The following PXDN variants were observed in gnomAD, a reference collection of about 807,000 sequenced individuals.
PXDN encodes the protein peroxidasin.
A neutral mutation model predicts 140.3 loss-of-function variants in PXDN; 77 were observed. The ratio of observed to expected loss-of-function variants is 0.55; its 90% CI spans 0.46 to 0.66. The LOEUF is 0.66. Among genes scored for constraint, PXDN ranks in the 30% least tolerant of loss-of-function variants. The probability of loss-of-function intolerance (pLI) is 0.00; values close to 1 mark genes in which losing one functional copy is unlikely to be tolerated. For missense variants in PXDN, 1,838 were observed against 2,039.5 expected, an observed-to-expected ratio of 0.90 and a Z score of 1.90; for synonymous variants, 911 against 857.4, an observed-to-expected ratio of 1.06 and a Z score of -1.09.
intron 14 of PXDN, among the ~76,000 whole-genome samples, chr2:1,655,833 A>G (rs1205504267): frequency 6.6e-6 from 1 of 151,780 alleles, no homozygotes; most frequent in Non-Finnish European, 1.5e-5. Context: ...CACACCACAC[A>G]CACACAGATT....
chr2:1,656,189 C>T (rs567016242), intron 14 of PXDN, among the ~76,000 whole-genome samples: 1 of 152,064 alleles, frequency 6.6e-6, no homozygotes, highest in Admixed American at 6.5e-5. Flanking sequence ...GAATCACACA[C>T]CTTATCTACC....
intron 1 of PXDN, among the ~76,000 whole-genome samples, chr2:1,739,123 C>A (rs1304743918): frequency 1.3e-5 from 2 of 151,774 alleles, no homozygotes; most frequent in Non-Finnish European, 2.9e-5. Context: ...GTGGCAAGGC[C>A]TCCTGTCCAC....
At chr2:1,709,764 G>A (rs962633495) in intron 1 of PXDN, among the ~76,000 whole-genome samples, 5 of 152,188 alleles carry the variant, frequency 3.3e-5, no homozygotes, top group African/African-American at 9.7e-5. Context: ...CATGAGATTC[G>A]TGTCCTTCTA....
chr2:1,723,839 G>A (rs1028064851), intron 1 of PXDN, among the ~76,000 whole-genome samples: 8 of 152,120 alleles, frequency 5.3e-5, no homozygotes, highest in African/African-American at 1.4e-4. Flanking sequence ...AACATCAGCC[G>A]CCTGTTGCCA....
At chr2:1,665,101 G>T in intron 10 of PXDN, 27 bp from the exon 11 acceptor site, 1 of 1,526,116 alleles carries the variant, frequency 6.6e-7, no homozygotes, top group Admixed American at 1.8e-5. Flanking sequence ...ATTCAAAACA[G>T]GACATGTAAA....
Position 1,744,300 on chromosome 2 carries a change from C to T in PXDN, c.156G>A (p.Leu52=). The change falls in exon 1 of 23, where the codon CTG becomes CTA. Residue 52 remains leucine (L), a synonymous_variant. Transcript: ENST00000252804. ...CFRTTVRCMH[L]LLEAVPAVAP... is the part of the protein sequence containing the mutation. ...CCACGGCGGGCACGGCCTCCAGCAG[C>T]AGATGCATGCAGCGCACGGTGGTGC... The T allele has an allele frequency of 6.6e-7, 1 of 1,525,146 alleles. No homozygotes were observed. The highest frequency in any genetic ancestry group is 8.8e-7 in the Non-Finnish European group (1 of 1,142,418). The allele number at this position is 1,525,146 out of a possible 1,614,324, so 94.5% of individuals were successfully genotyped here.
chr2:1,705,130 G>C (rs1386663100), intron 1 of PXDN, among the ~76,000 whole-genome samples: 1 of 150,366 alleles, frequency 6.7e-6, no homozygotes, highest in East Asian at 2.0e-4. Flanking sequence ...CAGAGGGCAC[G>C]TCTGCACACA....
chr2:1,683,373 G>T (rs1019076246), intron 6 of PXDN, among the ~76,000 whole-genome samples: 1 of 106,040 alleles, frequency 9.4e-6, no homozygotes, highest in African/African-American at 3.1e-5. Flanking sequence ...CTGTGATCAT[G>T]CCACTGCACT....
intron 4 of PXDN, among the ~76,000 whole-genome samples, chr2:1,686,893 C>T (rs1684072558): frequency 6.6e-6 from 1 of 152,220 alleles, no homozygotes; most frequent in Non-Finnish European, 1.5e-5. Context: ...CGCTGCGTCA[C>T]AGCAAACAGC....
At chr2:1,670,395 C>T (rs1442640081) in intron 9 of PXDN, among the ~76,000 whole-genome samples, 2 of 152,086 alleles carry the variant, frequency 1.3e-5, no homozygotes, top group Non-Finnish European at 2.9e-5. Context: ...CTCAAATATG[C>T]TTACATTTTT....
intron 1 of PXDN, among the ~76,000 whole-genome samples, chr2:1,713,414 C>T (rs1409877809): frequency 2.6e-5 from 4 of 152,222 alleles, no homozygotes; most frequent in African/African-American, 4.8e-5. Context: ...AGGAAATCTG[C>T]GGCTCAGAGG....
chr2:1,720,031 GA>G, intron 1 of PXDN, among the ~76,000 whole-genome samples: 1 of 81,240 alleles, frequency 1.2e-5, no homozygotes, highest in Non-Finnish European at 2.4e-5. Context: ...GAGAGAGAGA[GA>G]GGGAGGGATG....
intron 3 of PXDN, among the ~76,000 whole-genome samples, chr2:1,691,557 T>C (rs925132904): frequency 3.9e-5 from 6 of 152,196 alleles, no homozygotes; most frequent in Non-Finnish European, 5.9e-5. Flanking sequence ...CCGGAAACTA[T>C]TTTGATAGCT....
Position 1,744,304 on chromosome 2 carries a change from T to C in PXDN, c.152A>G (p.His51Arg), listed in dbSNP as rs893649732. The C allele has an allele frequency of 6.6e-7, 1 of 1,526,614 alleles. No homozygotes were observed. The highest frequency in any genetic ancestry group is 8.7e-7 in the Non-Finnish European group (1 of 1,143,198). The allele number at this position is 1,526,614 out of a possible 1,614,324, so 94.6% of individuals were successfully genotyped here. ...GGCGGGCACGGCCTCCAGCAGCAGA[T>C]GCATGCAGCGCACGGTGGTGCGGAA... ...LCFRTTVRCM[H>R]LLLEAVPAVA... is the part of the protein sequence containing the mutation. Residue 51 changes from histidine (H) to arginine (R), a missense_variant, in exon 1 of 23, where the codon CAT becomes CGT. This residue lies in a region of PXDN where 231 missense variants were observed against 201.5 expected (regional missense o/e 1.15). Transcript: ENST00000252804.
chr2:1,715,386 C>T (rs778954643), intron 1 of PXDN, among the ~76,000 whole-genome samples: 1 of 152,142 alleles, frequency 6.6e-6, no homozygotes, highest in African/African-American at 2.4e-5. Context: ...ACAAAAACAG[C>T]GACGGAGCGG....
chr2:1,674,137 G>C (rs565641912), intron 8 of PXDN, among the ~76,000 whole-genome samples: 1 of 152,174 alleles, frequency 6.6e-6, no homozygotes, highest in Non-Finnish European at 1.5e-5. Context: ...ATTTTCTTTC[G>C]TTTCTGGTGA....
chr2:1,657,888 C>G, intron 14 of PXDN, among the ~76,000 whole-genome samples: 1 of 143,362 alleles, frequency 7.0e-6, no homozygotes, highest in Non-Finnish European at 1.5e-5. Flanking sequence ...TGACCGAAAC[C>G]TGCCCCTCCT....
At chr2:1,658,067 T>C (rs751472819) in intron 14 of PXDN, among the ~76,000 whole-genome samples, 11,710 of 78,404 alleles carry the variant, frequency 0.15, 2,406 homozygotes, top group East Asian at 0.23. Flanking sequence ...TCTCTCTCTC[T>C]CTCTCTCTCT....
intron 1 of PXDN, among the ~76,000 whole-genome samples, chr2:1,719,978 G>A (rs1300021822): frequency 9.6e-6 from 1 of 104,168 alleles, no homozygotes; most frequent in African/African-American, 3.6e-5. Context: ...CACAGAGAGA[G>A]GGAGGGATGC....
Sources: gnomAD v4.1 joint callset for allele counts (sites outside exome capture counted in the v4.1 genomes callset) on GRCh38, gnomAD v4.1.1 for gene constraint, gnomAD v4.1.1 regional missense constraint, MANE v1.5 for transcripts, NCBI Gene and HGNC (gene_info 2026-07-23, HGNC 2026-07-21) for gene names.